WNK1: variants seen among roughly 807,000 people sequenced by gnomAD.
The protein encoded by WNK1 is serine/threonine-protein kinase WNK1.
A neutral mutation model predicts 222.8 loss-of-function variants in WNK1; 38 were observed. The observed-to-expected ratio is 0.17, with a 90% CI of 0.13 to 0.22. The LOEUF is 0.22. WNK1 is among the 10% of genes least tolerant of loss of function. The pLI, the probability that WNK1 is intolerant of heterozygous loss-of-function variation, is 1.00. For missense variants in WNK1, 2,348 were observed against 2,918.4 expected (o/e 0.80, Z 4.50); for synonymous variants, 1,090 against 1,092.9 (o/e 1.00, Z 0.05).
Position 881,916 on chromosome 12 carries a change from A to C in WNK1, c.3215A>C (p.His1072Pro), listed in dbSNP as rs376433723. ...TTTCTTTTTAAATTTCAAAGTGCAC[A>C]TTCAGATGTTGCTTCAGGTATGAGT... ...TTLASSVDSA[H>P]SDVASGMSDG... The change falls in exon 14 of 28, where the codon CAT becomes CCT. Residue 1072 changes from histidine to proline, a missense_variant. Physicochemically the swap from His to Pro is moderately conservative, Grantham distance 77 (BLOSUM62 -2). This residue lies in a region of WNK1 where 547 missense variants were observed against 558.3 expected (regional missense o/e 0.98). Transcript: ENST00000315939. 2.2e-5 allele frequency: 35 copies of C among 1,614,050 alleles called. No homozygotes were observed. Among genetic ancestry groups the C allele is most frequent in the Non-Finnish European group, 2.8e-5 (33 of 1,180,038 alleles).
chr12:842,483 T>C (rs912219330), intron 4 of WNK1, among the ~76,000 whole-genome samples: 5 of 152,156 alleles, frequency 3.3e-5, no homozygotes, highest in Non-Finnish European at 7.4e-5. Flanking sequence ...GTCTGTATTT[T>C]ATTTTATTTT....
chr12:903,936 G>C (rs184004365), intron 26 of WNK1, among the ~76,000 whole-genome samples: 1 of 152,274 alleles, frequency 6.6e-6, no homozygotes, highest in East Asian at 1.9e-4. Flanking sequence ...GAAGGGAAGG[G>C]GTTAGTATAT....
chr12:904,548 G>A (rs1955541822), intron 26 of WNK1: 1 of 1,236,008 alleles, frequency 8.1e-7, no homozygotes, highest in Non-Finnish European at 1.1e-6. Flanking sequence ...TGTTAACCAT[G>A]AGTTCTTTCA....
intron 1 of WNK1, among the ~76,000 whole-genome samples, chr12:785,404 C>T (rs1418089981): frequency 2.5e-5 from 1 of 39,456 alleles, no homozygotes; most frequent in African/African-American, 1.1e-4. Context: ...TTTCTCCCCC[C>T]CCCCCACCCC....
intron 1 of WNK1, among the ~76,000 whole-genome samples, chr12:800,833 TA>T (rs1242772252): frequency 6.6e-6 from 1 of 152,174 alleles, no homozygotes; most frequent in African/African-American, 2.4e-5. Context: ...ATCTTTAGAG[TA>T]GAACCTTAAT....
At chr12:906,007 G>A (rs2286026) in intron 26 of WNK1, among the ~76,000 whole-genome samples, 67,958 of 151,936 alleles carry the variant, frequency 0.45, 15,827 homozygotes, top group African/African-American at 0.56. Context: ...CATTCCCCAG[G>A]TGGTAGGATA....
chr12:778,027 G>A (rs1943298228), intron 1 of WNK1, among the ~76,000 whole-genome samples: 1 of 152,186 alleles, frequency 6.6e-6, no homozygotes, highest in Non-Finnish European at 1.5e-5. Context: ...AAATCTATAA[G>A]TAGTAGCTGA....
intron 1 of WNK1, among the ~76,000 whole-genome samples, chr12:799,394 G>A (rs576818913): frequency 1.3e-5 from 2 of 151,882 alleles, no homozygotes; most frequent in South Asian, 2.1e-4. Context: ...GCCTCCCAAA[G>A]TGCTGGGATT....
chr12:774,332 T>G (rs576273377), intron 1 of WNK1, among the ~76,000 whole-genome samples: 1 of 152,296 alleles, frequency 6.6e-6, no homozygotes, highest in South Asian at 2.1e-4. Flanking sequence ...CTCCAGCATC[T>G]ACCTCTCAAA....
Position 827,347 on chromosome 12 carries a change from G to A in WNK1, c.1153+85G>A. Reference sequence around the variant, plus strand: ...TCCTGGCTCTGTCAGAGTTTTAAGTGATATAAACCTTAAGAAATTCATAGC... The same window carrying A: ...TCCTGGCTCTGTCAGAGTTTTAAGTAATATAAACCTTAAGAAATTCATAGC... On this transcript the variant is annotated intron_variant, in intron 3 of 27. Coordinates refer to ENST00000315939, the MANE Select transcript of WNK1 (RefSeq NM_018979.4). This position sits in a 1 kb window ranked among gnomAD's most constrained non-coding sequence, Gnocchi z 4.6. 8.3e-7 allele frequency: 1 copy of A among 1,208,226 alleles called. No homozygotes were observed. Among genetic ancestry groups the A allele is most frequent in the Non-Finnish European group, 1.2e-6 (1 of 814,284 alleles). The allele number at this position is 1,208,226 out of a possible 1,614,324, so 74.8% of individuals were successfully genotyped here. A position where few individuals can be genotyped will look rare whatever the true frequency, so the allele number is the denominator to read the frequency against.
In WNK1 at chr12:761,917, G is replaced by A. The variant is rs558964076; in HGVS notation, c.759+7593G>A. Reference sequence around the variant, plus strand: ...TTGCCCCTCTCACACACAGTCATCCGTCAGTATACACAGGAGATTGGTTCC... The same window carrying A: ...TTGCCCCTCTCACACACAGTCATCCATCAGTATACACAGGAGATTGGTTCC... On this transcript the variant is annotated intron_variant, in intron 1 of 27. Transcript: ENST00000315939. Among the ~76,000 whole-genome samples, 8 of 147,050 alleles carry A rather than the reference G, an allele frequency of 5.4e-5. 1 individual carries two copies. Among genetic ancestry groups the A allele is most frequent in the Admixed American group, 1.4e-4 (2 of 14,806 alleles).
At chr12:777,123 A>G (rs1037990984) in intron 1 of WNK1, among the ~76,000 whole-genome samples, 4 of 143,250 alleles carry the variant, frequency 2.8e-5, no homozygotes, top group African/African-American at 1.0e-4. Context: ...ATTAGTCAGC[A>G]TCTGTGCTTT....
chr12:799,176 T>C (rs1945632408), intron 1 of WNK1, among the ~76,000 whole-genome samples: 1 of 152,096 alleles, frequency 6.6e-6, no homozygotes, highest in Admixed American at 6.6e-5. Flanking sequence ...CAGGCTGGAG[T>C]GCAGTGGCGC....
Position 754,046 on chromosome 12 carries a change from A to G in WNK1, c.481A>G (p.Ser161Gly). The change falls in exon 1 of 28, where the codon AGC becomes GGC. Residue 161 changes from serine (S) to glycine (G), a missense_variant. By Grantham distance (56) the Ser-to-Gly change is moderately conservative. Transcript: ENST00000315939. Reference protein sequence around the residue: ...PAPSTVPSSTSKDRPVSQPSL... With the variant: ...PAPSTVPSSTGKDRPVSQPSL... ...CCCCTCGACTGTCCCCAGCAGTACCAGCAAAGACCGCCCAGTGTCCCAGCC... is the reference window on the plus strand; with the variant it reads ...CCCCTCGACTGTCCCCAGCAGTACCGGCAAAGACCGCCCAGTGTCCCAGCC... 1.3e-6 allele frequency: 2 copies of G among 1,597,180 alleles called. No individual in the cohort carries two copies. The highest frequency in any genetic ancestry group is 2.2e-5 in the South Asian group (2 of 89,804).
intron 26 of WNK1, among the ~76,000 whole-genome samples, chr12:907,551 TC>T (rs1289917871): frequency 2.0e-5 from 3 of 152,216 alleles, no homozygotes; most frequent in Admixed American, 6.5e-5. Flanking sequence ...GGCGAGCAGT[TC>T]CAATACTCTT....
chr12:897,215 C>T (rs1157013786), intron 24 of WNK1, among the ~76,000 whole-genome samples: 2 of 152,022 alleles, frequency 1.3e-5, no homozygotes, highest in Non-Finnish European at 2.9e-5. Flanking sequence ...CTATTGTGTG[C>T]GTGGCCTCAA....
intron 9 of WNK1, among the ~76,000 whole-genome samples, chr12:873,527 A>G (rs1439336241): frequency 1.3e-5 from 2 of 152,216 alleles, no homozygotes; most frequent in African/African-American, 4.8e-5. Context: ...TCGGTCTAGA[A>G]TAATTAACTT....
At chr12:840,643 C>A (rs1484135820) in intron 4 of WNK1, among the ~76,000 whole-genome samples, 1 of 152,088 alleles carries the variant, frequency 6.6e-6, no homozygotes, top group Non-Finnish European at 1.5e-5. Flanking sequence ...ATACAGCCTA[C>A]AATATTTACT....
intron 1 of WNK1, among the ~76,000 whole-genome samples, chr12:765,455 G>A (rs1368225676): frequency 6.8e-6 from 1 of 147,594 alleles, no homozygotes; most frequent in Admixed American, 6.8e-5. Context: ...ACTGAACTGG[G>A]TGGATTGCTT....
Sources: allele counts gnomAD v4.1 joint callset (sites outside exome capture counted in the v4.1 genomes callset), GRCh38; gene constraint gnomAD v4.1.1; regional missense constraint gnomAD v4.1.1; non-coding constraint Gnocchi (gnomAD v3.1); transcripts MANE v1.5; gene names NCBI Gene and HGNC (gene_info 2026-07-23, HGNC 2026-07-21).